FCHSD2: variants seen among roughly 807,000 people sequenced by gnomAD.
FCHSD2 encodes the protein FCH and double SH3 domains 2.
FCHSD2 carries 38 observed loss-of-function variants against 108.1 expected under a neutral mutation model. The observed-to-expected ratio is 0.35, with a 90% CI of 0.27 to 0.46. The LOEUF is 0.46. Ranked by LOEUF, FCHSD2 falls within the 20% of genes least tolerant of loss-of-function variation. The probability of loss-of-function intolerance (pLI) is 1.00; values close to 1 mark genes in which losing one functional copy is unlikely to be tolerated. For missense variants in FCHSD2, 751 were observed against 897.8 expected (o/e 0.84, Z 2.09); for synonymous variants, 279 against 314.7 (o/e 0.89, Z 1.20).
intron 8 of FCHSD2, among the ~76,000 whole-genome samples, chr11:72,922,528 G>C (rs1403596655): frequency 6.6e-6 from 1 of 151,860 alleles, no homozygotes; most frequent in Non-Finnish European, 1.5e-5. Flanking sequence ...TTGTAACAGG[G>C]ATCTTTGAAA....
At chr11:72,863,396 C>G (rs1314501297) in intron 13 of FCHSD2, among the ~76,000 whole-genome samples, 1 of 152,110 alleles carries the variant, frequency 6.6e-6, no homozygotes, top group Non-Finnish European at 1.5e-5. Context: ...AACTATAAAA[C>G]TTCCAGAAGA....
intron 2 of FCHSD2, among the ~76,000 whole-genome samples, chr11:73,112,644 T>C (rs778792786): frequency 6.6e-6 from 1 of 152,272 alleles, no homozygotes; most frequent in South Asian, 2.1e-4. Context: ...CTTTTTGTTG[T>C]TGGTGGTGGT....
intron 8 of FCHSD2, among the ~76,000 whole-genome samples, chr11:72,925,928 G>C (rs1856066687): frequency 6.6e-6 from 1 of 152,190 alleles, no homozygotes; most frequent in Admixed American, 6.5e-5. Flanking sequence ...CCTGGGACTG[G>C]CTACAGCTGA....
At chr11:73,083,557 G>GAA (rs72053185) in intron 3 of FCHSD2, 138 bp downstream of exon 3, 2,054 of 490,974 alleles carry the variant, frequency 4.2e-3, no homozygotes, top group South Asian at 7.2e-3. Context: ...CAGAAAAAAA[G>GAA]AAAAAAAAAA....
In FCHSD2 at chr11:73,084,221, A is replaced by G. The variant is rs545296770; in HGVS notation, c.120-481T>C. Among the ~76,000 whole-genome samples, 5 of 152,310 alleles carry G rather than the reference A, an allele frequency of 3.3e-5. No individual in the cohort carries two copies. In the East Asian group the frequency reaches 9.6e-4, roughly 29 times the overall value. ...ACTAATGAAAACAATGTGAAAATCA[A>G]ATTTTGATTGGCTTCTGAATATGAA... On this transcript the variant is annotated intron_variant, in intron 2 of 19. Coordinates refer to ENST00000409418, the MANE Select transcript of FCHSD2 (RefSeq NM_014824.3).
chr11:73,094,393 A>C (rs917961695), intron 2 of FCHSD2, among the ~76,000 whole-genome samples: 1 of 152,214 alleles, frequency 6.6e-6, no homozygotes, highest in Non-Finnish European at 1.5e-5. Flanking sequence ...ATTTATTTTG[A>C]TATAACAATT....
intron 2 of FCHSD2, among the ~76,000 whole-genome samples, chr11:73,119,962 G>A (rs183725018): frequency 6.6e-6 from 1 of 152,284 alleles, no homozygotes; most frequent in Admixed American, 6.5e-5. Flanking sequence ...CCACATGGCT[G>A]GGGAAGCCTC....
chr11:72,943,246 A>G (rs546758851), intron 8 of FCHSD2, among the ~76,000 whole-genome samples: 2 of 151,948 alleles, frequency 1.3e-5, no homozygotes, highest in South Asian at 4.2e-4. Flanking sequence ...GCCCACCTCT[A>G]CCTCCCAAAG....
intron 5 of FCHSD2, among the ~76,000 whole-genome samples, chr11:72,989,419 T>A (rs1312517583): frequency 2.6e-5 from 4 of 152,162 alleles, no homozygotes; most frequent in Non-Finnish European, 5.9e-5. Flanking sequence ...GGAGATATCA[T>A]GATAATAAAA....
At chr11:72,842,222 G>A (rs1411598791) in intron 17 of FCHSD2, among the ~76,000 whole-genome samples, 1 of 152,206 alleles carries the variant, frequency 6.6e-6, no homozygotes, top group Non-Finnish European at 1.5e-5. Context: ...GGCAGGACCT[G>A]GACTAGGCAA....
At chr11:72,908,932 G>A (rs1050636731) in intron 9 of FCHSD2, among the ~76,000 whole-genome samples, 8 of 151,970 alleles carry the variant, frequency 5.3e-5, no homozygotes, top group African/African-American at 1.9e-4. Context: ...GGGATTACAG[G>A]TGTGAGCCAT....
intron 8 of FCHSD2, 88 bp from the exon 9 acceptor site, chr11:72,922,038 TC>T: frequency 1.1e-6 from 1 of 871,960 alleles, no homozygotes; most frequent in South Asian, 1.7e-5. Flanking sequence ...GTAGGTATGT[TC>T]AGTTTAAAAT....
chr11:72,932,839 T>C (rs1856222140), intron 8 of FCHSD2, among the ~76,000 whole-genome samples: 1 of 152,202 alleles, frequency 6.6e-6, no homozygotes, highest in Admixed American at 6.5e-5. Context: ...TAGTGCTCAA[T>C]AAATATCTGT....
chr11:73,106,422 A>G (rs1860346332), intron 2 of FCHSD2, among the ~76,000 whole-genome samples: 1 of 151,502 alleles, frequency 6.6e-6, no homozygotes. Flanking sequence ...AAAAAAAAAA[A>G]GAAAAAGAAA....
chr11:73,083,859 A>G lies in FCHSD2; in HGVS notation c.120-119T>C, dbSNP rs554643529. The G allele has an allele frequency of 5.2e-4, 359 of 695,944 alleles. 3 individuals carry two copies. In the South Asian group the frequency reaches 5.6e-3, roughly 11 times the overall value. 43.1% of individuals were successfully genotyped at this position (695,944 alleles called of 1,614,324 possible). Reference sequence around the variant, plus strand: ...TATGTGAGGGAAAGGACAATATTTTATTCATCTTTATGTGCTTAGGAATAC... The same window carrying G: ...TATGTGAGGGAAAGGACAATATTTTGTTCATCTTTATGTGCTTAGGAATAC... On this transcript the variant is annotated intron_variant, in intron 2 of 19. Coordinates refer to ENST00000409418, the MANE Select transcript of FCHSD2 (RefSeq NM_014824.3).
rs1490395798 is a variant in FCHSD2, at chr11:72,843,536, C to A, written c.1444-4G>T. The A allele has an allele frequency of 6.2e-7, 1 of 1,610,980 alleles. No homozygotes were observed. Among genetic ancestry groups the A allele is most frequent in the Admixed American group, 1.7e-5 (1 of 59,978 alleles). ...TCAACTCATCTGGTTGAGAAGCCTG[C>A]AGTGTAGGATGGTCATGGACAAAAT... is the stretch of plus-strand genomic sequence containing the variant. On this transcript the variant is annotated splice_region_variant and splice_polypyrimidine_tract_variant and intron_variant, in intron 14 of 19. Transcript: ENST00000409418.
At chr11:72,883,949 AT>A (rs1219252447) in intron 12 of FCHSD2, among the ~76,000 whole-genome samples, 40 of 147,688 alleles carry the variant, frequency 2.7e-4, no homozygotes, top group African/African-American at 9.7e-4. Context: ...AAAAAAAAAA[AT>A]TTTTTTTAAT....
At chr11:72,853,829 A>G (rs192736109) in intron 13 of FCHSD2, among the ~76,000 whole-genome samples, 17 of 152,360 alleles carry the variant, frequency 1.1e-4, no homozygotes, top group Admixed American at 1.0e-3. Flanking sequence ...GTATCTTAAA[A>G]GGGACTAATA....
intron 2 of FCHSD2, among the ~76,000 whole-genome samples, chr11:73,103,200 T>C (rs1674073925): frequency 6.7e-6 from 1 of 148,272 alleles, no homozygotes; most frequent in African/African-American, 2.4e-5. Context: ...TACTAAAATG[T>C]ATCAAACTCT....
Sources: gnomAD v4.1 joint callset for allele counts (sites outside exome capture counted in the v4.1 genomes callset) on GRCh38, gnomAD v4.1.1 for gene constraint, MANE v1.5 for transcripts, NCBI Gene and HGNC (gene_info 2026-07-23, HGNC 2026-07-21) for gene names.